Variants in SERPINA6 observed in about 807,000 individuals in gnomAD.
The protein encoded by SERPINA6 is serpin family A member 6.
SERPINA6 carries 19 observed loss-of-function variants against 26.4 expected under a neutral mutation model. That is an observed-to-expected ratio of 0.72 (90% CI 0.50 to 1.06). SERPINA6 has a LOEUF of 1.06. Among genes scored for constraint, SERPINA6 ranks in the 50% least tolerant of loss-of-function variants. The pLI, the probability that SERPINA6 is intolerant of heterozygous loss-of-function variation, is 0.00. For missense variants in SERPINA6, 473 were observed against 504.0 expected (o/e 0.94, Z 0.59); for synonymous variants, 196 against 199.4 (o/e 0.98, Z 0.14).
intron 3 of SERPINA6, among the ~76,000 whole-genome samples, chr14:94,308,279 G>A (rs764097589): frequency 1.3e-4 from 20 of 152,158 alleles, no homozygotes; most frequent in Non-Finnish European, 2.5e-4. Flanking sequence ...TCACATTGTC[G>A]TACCACTATT....
rs191026012 is a variant in SERPINA6 at position 94,304,523 on chromosome 14, C to A, written c.1113G>T (p.Thr371=). The change falls in exon 5 of 5, where the codon ACG becomes ACT. Residue 371 remains threonine (T), a synonymous_variant. Coordinates refer to ENST00000341584, the MANE Select transcript of SERPINA6 (RefSeq NM_001756.4). ...TGAAACGCAAGATGATAGGCTTGGACGTCAGGTTTAGGGTGACCCCAGTGG... is the reference window on the plus strand; with the variant it reads ...TGAAACGCAAGATGATAGGCTTGGAAGTCAGGTTTAGGGTGACCCCAGTGG... ...AGSTGVTLNL[T]SKPIILRFNQ... is the part of the protein sequence containing the mutation. The A allele has an allele frequency of 1.2e-6, 2 of 1,614,018 alleles. No homozygotes were observed. The highest frequency in any genetic ancestry group is 1.7e-6 in the Non-Finnish European group (2 of 1,180,026).
Position 94,304,422 on chromosome 14 carries a change from A to G in SERPINA6, c.1214T>C (p.Val405Ala), listed in dbSNP as rs1895404096. 1 of 1,614,002 alleles carries G rather than the reference A, an allele frequency of 6.2e-7. No homozygotes were observed. The highest frequency in any genetic ancestry group is 1.7e-5 in the Admixed American group (1 of 59,988). ...AGGCTCTGGGTGGGTGGTCTCTTAC[A>G]CTGGGTTCATAACCCTCGCCAGGAA... is the stretch of plus-strand genomic sequence containing the variant. Reference protein sequence around the residue: ...SLFLARVMNPV With the variant: ...SLFLARVMNPA Residue 405 changes from valine to alanine, a missense_variant, in exon 5 of 5, where the codon GTG (valine) becomes GCG (alanine). By Grantham distance (64) the Val-to-Ala change is moderately conservative. Transcript: ENST00000341584.
At chr14:94,321,715 G>C (rs1221396902) in intron 1 of SERPINA6, among the ~76,000 whole-genome samples, 1 of 152,138 alleles carries the variant, frequency 6.6e-6, no homozygotes, top group Non-Finnish European at 1.5e-5. Context: ...ACTCCATCTT[G>C]TCCTTTGAGA....
chr14:94,320,729 T>A (rs186408757), intron 1 of SERPINA6, among the ~76,000 whole-genome samples: 1 of 152,072 alleles, frequency 6.6e-6, no homozygotes, highest in African/African-American at 2.4e-5. Flanking sequence ...AGGTGGGAAC[T>A]CCCCCGCAAA....
At chr14:94,309,715 C>T in intron 3 of SERPINA6, 21 bp downstream of exon 3, 1 of 1,613,438 alleles carries the variant, frequency 6.2e-7, no homozygotes, top group Non-Finnish European at 8.5e-7. Flanking sequence ...CAGAAATCAA[C>T]ATGATGGCTG....
At position 94,304,510 on chromosome 14, in the gene SERPINA6, T is replaced by C; in HGVS notation, c.1126A>G (p.Ile376Val). 6.2e-7 allele frequency: 1 copy of C among 1,614,166 alleles called. No individual in the cohort carries two copies. The highest frequency in any genetic ancestry group is 2.2e-5 in the East Asian group (1 of 44,888). ...VTLNLTSKPI[I>V]LRFNQPFIIM... ...ATGAAGGGCTGGTTGAAACGCAAGATGATAGGCTTGGACGTCAGGTTTAGG... is the reference window on the plus strand; with the variant it reads ...ATGAAGGGCTGGTTGAAACGCAAGACGATAGGCTTGGACGTCAGGTTTAGG... The change falls in exon 5 of 5, where the codon ATC becomes GTC. Residue 376 changes from isoleucine (I) to valine (V), a missense_variant. Coordinates refer to ENST00000341584, the MANE Select transcript of SERPINA6 (RefSeq NM_001756.4).
At chr14:94,319,161 T>C (rs1895650702) in intron 1 of SERPINA6, among the ~76,000 whole-genome samples, 1 of 151,946 alleles carries the variant, frequency 6.6e-6, no homozygotes, top group South Asian at 2.1e-4. Context: ...CAGAAAACAA[T>C]AAGTTGGCAC....
intron 3 of SERPINA6, among the ~76,000 whole-genome samples, chr14:94,309,350 T>C (rs11627651): frequency 0.48 from 72,355 of 151,804 alleles, 18,380 homozygotes; most frequent in East Asian, 0.93. Context: ...TATGGGGTCT[T>C]CCAAGAATCT....
intron 3 of SERPINA6, among the ~76,000 whole-genome samples, chr14:94,306,570 G>A (rs184919152): frequency 2.2e-4 from 34 of 152,380 alleles, no homozygotes; most frequent in African/African-American, 6.5e-4. Flanking sequence ...CCTGCTAGAA[G>A]CAGAGGACTG....
chr14:94,310,078 T>C, intron 2 of SERPINA6, 72 bp from the exon 3 acceptor site: 1 of 1,490,390 alleles, frequency 6.7e-7, no homozygotes, highest in Non-Finnish European at 9.3e-7. Flanking sequence ...ACGGGCCTAC[T>C]ATCCAAGTGA....
rs1895572886 is a variant in SERPINA6, at chr14:94,314,069, T to C, written c.580A>G (p.Ile194Val). 6.2e-7 allele frequency: 1 copy of C among 1,614,066 alleles called. No homozygotes were observed. Among genetic ancestry groups the C allele is most frequent in the Admixed American group, 1.7e-5 (1 of 60,002 alleles). ...AAGATATAGTTGACCAGGACGAGGA[T>C]GGCTGGGCTATCCAGCCCTGAAAAC... is the stretch of plus-strand genomic sequence containing the variant. ...DLFSGLDSPAILVLVNYIFFK... is the reference protein window; with the variant it reads ...DLFSGLDSPAVLVLVNYIFFK... Residue 194 changes from isoleucine (I) to valine (V), a missense_variant, in exon 2 of 5, where the codon ATC (isoleucine) becomes GTC (valine). Transcript: ENST00000341584.
intron 1 of SERPINA6, among the ~76,000 whole-genome samples, chr14:94,321,512 G>T (rs1251842040): frequency 6.6e-6 from 1 of 152,184 alleles, no homozygotes; most frequent in Non-Finnish European, 1.5e-5. Flanking sequence ...GCAGGGCAGG[G>T]CATGTCACAT....
At chr14:94,321,143 G>A (rs750855433) in intron 1 of SERPINA6, among the ~76,000 whole-genome samples, 1 of 152,088 alleles carries the variant, frequency 6.6e-6, no homozygotes, top group African/African-American at 2.4e-5. Context: ...TCTGGTGTTT[G>A]TCTATTCTCC....
At chr14:94,317,370 T>C (rs551046902) in intron 1 of SERPINA6, among the ~76,000 whole-genome samples, 2 of 152,210 alleles carry the variant, frequency 1.3e-5, no homozygotes, top group South Asian at 4.1e-4. Context: ...GACAGTCAAG[T>C]GTAAAGAGGT....
At position 94,314,449 on chromosome 14, in the gene SERPINA6, G is replaced by A. The variant is rs1003009602; in HGVS notation, c.200C>T (p.Pro67Leu). Reference protein sequence around the residue: ...LSPKKNIFISPVSISMALAML... With the variant: ...LSPKKNIFISLVSISMALAML... Reference sequence around the variant, plus strand: ...AGCTAAGGCCATGGAGATGCTCACAGGGGAGATGAAAATGTTCTTTTTGGG... The same window carrying A: ...AGCTAAGGCCATGGAGATGCTCACAAGGGAGATGAAAATGTTCTTTTTGGG... Residue 67 changes from proline to leucine, a missense_variant, in exon 2 of 5, where the codon CCT (proline) becomes CTT (leucine). By Grantham distance (98) the Pro-to-Leu change is moderately conservative. Transcript: ENST00000341584. 11 of 1,614,210 alleles carry A rather than the reference G, an allele frequency of 6.8e-6. No homozygotes were observed. Among genetic ancestry groups the A allele is most frequent in the Non-Finnish European group, 8.5e-6 (10 of 1,180,042 alleles).
intron 3 of SERPINA6, among the ~76,000 whole-genome samples, chr14:94,307,685 GAC>G (rs1451794158): frequency 1.3e-5 from 2 of 152,154 alleles, no homozygotes; most frequent in East Asian, 3.9e-4. Flanking sequence ...GCATCGCCCA[GAC>G]ACAGGTTCAC....
chr14:94,311,558 C>A (rs1895530001), intron 2 of SERPINA6, among the ~76,000 whole-genome samples: 1 of 152,030 alleles, frequency 6.6e-6, no homozygotes, highest in South Asian at 2.1e-4. Context: ...TGGGGACGAT[C>A]TGAGAGAGCA....
intron 2 of SERPINA6, 48 bp downstream of exon 2, chr14:94,313,988 T>C (rs201256853): frequency 1.2e-6 from 2 of 1,609,180 alleles, no homozygotes; most frequent in East Asian, 2.2e-5. Context: ...GCGGCTGTTA[T>C]TCCTGGCCAT....
intron 1 of SERPINA6, 46 bp downstream of exon 1, chr14:94,323,221 G>T (rs1161618307): frequency 6.6e-6 from 1 of 152,428 alleles, no homozygotes; most frequent in Non-Finnish European, 1.5e-5. Flanking sequence ...CTTTGCTCTG[G>T]AGGCTGGGCA....
Sources: gnomAD v4.1 joint callset for allele counts (sites outside exome capture counted in the v4.1 genomes callset) on GRCh38, gnomAD v4.1.1 for gene constraint, MANE v1.5 for transcripts, NCBI Gene and HGNC (gene_info 2026-07-23, HGNC 2026-07-21) for gene names.